Variants in PKN2 observed in about 807,000 individuals in gnomAD.
PKN2 encodes protein kinase N2.
A neutral mutation model predicts 119.1 loss-of-function variants in PKN2; 38 were observed. The ratio of observed to expected loss-of-function variants is 0.32; its 90% CI spans 0.25 to 0.42. PKN2 has a LOEUF of 0.42. PKN2 is among the 10% of genes least tolerant of loss of function. PKN2 has a pLI of 1.00. For synonymous variants in PKN2, 390 were observed against 384.9 expected (o/e 1.01, Z -0.15); for missense variants, 850 against 1,165.1 (o/e 0.73, Z 3.94).
At chr1:88,742,906 T>C (rs1668630874) in intron 2 of PKN2, among the ~76,000 whole-genome samples, 1 of 152,082 alleles carries the variant, frequency 6.6e-6, no homozygotes, top group African/African-American at 2.4e-5. Flanking sequence ...TTAACTTTAT[T>C]GTGGCTGGGT....
intron 8 of PKN2, among the ~76,000 whole-genome samples, chr1:88,790,024 A>C (rs1055169232): frequency 3.3e-5 from 5 of 152,166 alleles, no homozygotes; most frequent in Non-Finnish European, 7.3e-5. Flanking sequence ...AAAGCTCCAG[A>C]AGGACTCTGA....
chr1:88,753,025 A>G (rs1000821191), intron 2 of PKN2, among the ~76,000 whole-genome samples: 6 of 152,112 alleles, frequency 3.9e-5, no homozygotes, highest in Non-Finnish European at 5.9e-5. Context: ...TGTTTTGGAA[A>G]TTGATTCATT....
At chr1:88,816,034 G>A (rs1332016486) in intron 16 of PKN2, among the ~76,000 whole-genome samples, 3 of 151,746 alleles carry the variant, frequency 2.0e-5, no homozygotes, top group Admixed American at 2.0e-4. Context: ...CAGCTATTTG[G>A]GAAGCTGAGG....
intron 18 of PKN2, among the ~76,000 whole-genome samples, chr1:88,824,730 G>C (rs547985975): frequency 9.9e-4 from 150 of 152,240 alleles, no homozygotes; most frequent in Non-Finnish European, 1.9e-3. Flanking sequence ...TTTCCTTCCA[G>C]CTTCTTAAAG....
intron 2 of PKN2, among the ~76,000 whole-genome samples, chr1:88,752,043 T>C (rs1669022953): frequency 6.6e-6 from 1 of 152,144 alleles, no homozygotes; most frequent in Non-Finnish European, 1.5e-5. Context: ...GCTTGGGATT[T>C]GTTGGGTTTC....
At chr1:88,767,072 A>G (rs909492975) in intron 3 of PKN2, among the ~76,000 whole-genome samples, 3 of 152,180 alleles carry the variant, frequency 2.0e-5, no homozygotes, top group Non-Finnish European at 4.4e-5. Context: ...AGAGAGTAAT[A>G]TTATATGGTT....
At chr1:88,730,374 G>A (rs1473272091) in intron 1 of PKN2, among the ~76,000 whole-genome samples, 1 of 152,184 alleles carries the variant, frequency 6.6e-6, no homozygotes, top group African/African-American at 2.4e-5. Context: ...TGCCCAGTAA[G>A]GCCATCAGGG....
At chr1:88,750,829 A>G (rs1668958843) in intron 2 of PKN2, among the ~76,000 whole-genome samples, 1 of 152,136 alleles carries the variant, frequency 6.6e-6, no homozygotes, top group South Asian at 2.1e-4. Context: ...TAAGTCGCCA[A>G]GCCTTATAGA....
chr1:88,722,397 A>G (rs1049781737), intron 1 of PKN2, among the ~76,000 whole-genome samples: 1 of 152,138 alleles, frequency 6.6e-6, no homozygotes, highest in Non-Finnish European at 1.5e-5. Flanking sequence ...TTCCCAATAC[A>G]TATGTTTTCT....
intron 2 of PKN2, among the ~76,000 whole-genome samples, chr1:88,746,059 T>G (rs1161278316): frequency 1.3e-5 from 2 of 152,184 alleles, no homozygotes; most frequent in African/African-American, 4.8e-5. Context: ...TATCTTACCC[T>G]TATACGTAAT....
At chr1:88,796,047 T>G (rs930636252) in intron 8 of PKN2, among the ~76,000 whole-genome samples, 4 of 152,336 alleles carry the variant, frequency 2.6e-5, no homozygotes, top group Non-Finnish European at 1.5e-5. Context: ...ATTTATTGAG[T>G]GTGCATGCAT....
chr1:88,762,702 G>A (rs1233523330), intron 3 of PKN2, among the ~76,000 whole-genome samples: 1 of 152,134 alleles, frequency 6.6e-6, no homozygotes, highest in East Asian at 1.9e-4. Context: ...GTTAAAGTGT[G>A]TAATAGTGAT....
chr1:88,770,219 A>G, intron 3 of PKN2, 133 bp from the exon 4 acceptor site: 1 of 551,200 alleles, frequency 1.8e-6, no homozygotes, highest in South Asian at 3.0e-5. Context: ...TATAAGATAT[A>G]CTATAGCGCC....
intron 1 of PKN2, among the ~76,000 whole-genome samples, chr1:88,726,352 C>T (rs1021411712): frequency 6.6e-6 from 1 of 152,074 alleles, no homozygotes; most frequent in Non-Finnish European, 1.5e-5. Flanking sequence ...AAGTTCTTTT[C>T]TAGTTTGCTT....
chr1:88,789,662 C>CATAATA lies in PKN2; in HGVS notation c.1281+3475_1281+3480dup, dbSNP rs10573546. On this transcript the variant is annotated intron_variant, in intron 8 of 21. Coordinates refer to ENST00000370521, the MANE Select transcript of PKN2 (RefSeq NM_006256.4). ...TGGGCGACAGAGCAAGACTCTATCTCATAATAATAATAATAATAATAATAA... is the reference window on the plus strand; with the variant it reads ...TGGGCGACAGAGCAAGACTCTATCTCATAATAATAATAATAATAATAATAATAATAA... 6.3e-3 allele frequency among the ~76,000 whole-genome samples: 925 copies of CATAATA among 146,468 alleles called. 16 individuals carry two copies. In the South Asian group the frequency reaches 0.065, roughly 10 times the overall value.
chr1:88,746,186 A>G (rs1049232113), intron 2 of PKN2, among the ~76,000 whole-genome samples: 1 of 152,162 alleles, frequency 6.6e-6, no homozygotes, highest in Admixed American at 6.5e-5. Flanking sequence ...CTAGAAGAAA[A>G]TATAGAGGGA....
intron 1 of PKN2, among the ~76,000 whole-genome samples, chr1:88,727,936 G>C (rs1049490556): frequency 6.6e-6 from 1 of 151,358 alleles, no homozygotes; most frequent in African/African-American, 2.4e-5. Flanking sequence ...GGTAGGGTTG[G>C]TATTTCAAAA....
chr1:88,770,164 A>G (rs1669825250), intron 3 of PKN2, among the ~76,000 whole-genome samples, 188 bp from the exon 4 acceptor site: 1 of 152,228 alleles, frequency 6.6e-6, no homozygotes, highest in African/African-American at 2.4e-5. Flanking sequence ...GTTTTTCACA[A>G]TTATCACCCT....
At chr1:88,811,976 T>C (rs1198045469) in intron 15 of PKN2, among the ~76,000 whole-genome samples, 1 of 152,140 alleles carries the variant, frequency 6.6e-6, no homozygotes, top group Non-Finnish European at 1.5e-5. Context: ...ACAGAAGTTA[T>C]TTGGGAATAA....
Sources: gnomAD v4.1 joint callset for allele counts (sites outside exome capture counted in the v4.1 genomes callset) on GRCh38, gnomAD v4.1.1 for gene constraint, MANE v1.5 for transcripts, NCBI Gene and HGNC (gene_info 2026-07-23, HGNC 2026-07-21) for gene names.